DLG1: variants seen among roughly 807,000 people sequenced by gnomAD.
The protein encoded by DLG1 is disks large homolog 1.
A neutral mutation model predicts 123.4 loss-of-function variants in DLG1; 42 were observed. That is an observed-to-expected ratio of 0.34 (90% CI 0.27 to 0.44). The LOEUF is 0.44. Ranked by LOEUF, DLG1 falls within the 20% of genes least tolerant of loss-of-function variation. The pLI, the probability that DLG1 is intolerant of heterozygous loss-of-function variation, is 1.00. For missense variants in DLG1, 942 were observed against 1,082.6 expected, an observed-to-expected ratio of 0.87 and a Z score of 1.82; for synonymous variants, 317 against 356.2, an observed-to-expected ratio of 0.89 and a Z score of 1.24.
At chr3:197,294,173 A>G (rs114358295) in intron 3 of DLG1, among the ~76,000 whole-genome samples, 485 of 152,282 alleles carry the variant, frequency 3.2e-3, no homozygotes, top group Non-Finnish European at 5.5e-3. Context: ...ATGGAAACAC[A>G]CAGAACCTCT....
intron 4 of DLG1, among the ~76,000 whole-genome samples, chr3:197,221,402 C>T (rs1285492727): frequency 6.6e-6 from 1 of 152,018 alleles, no homozygotes. Flanking sequence ...CGCCTGTAAT[C>T]CCAGCTACTC....
intron 4 of DLG1, among the ~76,000 whole-genome samples, chr3:197,232,425 AAGAAAACTATTATTTT>A (rs1166289776): frequency 6.6e-6 from 1 of 152,052 alleles, no homozygotes; most frequent in Non-Finnish European, 1.5e-5. Flanking sequence ...TGGTAACAAA[AAGAAAACTATTATTTT>A]AGAAAAAGCT....
intron 4 of DLG1, among the ~76,000 whole-genome samples, chr3:197,273,253 TTTA>T (rs199501942): frequency 9.0e-4 from 136 of 150,408 alleles, no homozygotes; most frequent in African/African-American, 3.3e-3. Context: ...TATTTTTATT[TTTA>T]TTTTTTTTTG....
chr3:197,158,461 TAAAAAAAAAAA>T (rs10573278), intron 5 of DLG1, among the ~76,000 whole-genome samples: 1 of 118,718 alleles, frequency 8.4e-6, no homozygotes, highest in Non-Finnish European at 1.7e-5. Flanking sequence ...CGTCTCTACT[TAAAAAAAAAAA>T]AAAAAAAAAA....
chr3:197,265,278 G>A (rs987912036), intron 4 of DLG1, among the ~76,000 whole-genome samples: 6 of 152,122 alleles, frequency 3.9e-5, no homozygotes, highest in African/African-American at 1.4e-4. Context: ...CAGTATTTTA[G>A]AATACCAATG....
intron 4 of DLG1, among the ~76,000 whole-genome samples, chr3:197,271,006 G>C (rs750465634): frequency 5.9e-5 from 9 of 152,242 alleles, no homozygotes; most frequent in South Asian, 4.1e-4. Flanking sequence ...TCATTTAAAG[G>C]GGGGGAAAAG....
intron 4 of DLG1, among the ~76,000 whole-genome samples, chr3:197,205,521 T>C (rs1728071388): frequency 6.6e-6 from 1 of 151,938 alleles, no homozygotes; most frequent in South Asian, 2.1e-4. Context: ...CATTAACAAG[T>C]CAGAAGGAAA....
intron 5 of DLG1, among the ~76,000 whole-genome samples, chr3:197,178,400 T>A (rs1471818107): frequency 6.6e-6 from 1 of 152,214 alleles, no homozygotes; most frequent in Non-Finnish European, 1.5e-5. Flanking sequence ...GTGAATGGCA[T>A]ACTGAATAAA....
chr3:197,184,411 T>C (rs1455140145), intron 5 of DLG1, among the ~76,000 whole-genome samples: 4 of 152,254 alleles, frequency 2.6e-5, no homozygotes, highest in Non-Finnish European at 4.4e-5. Flanking sequence ...ATCTTTGTCA[T>C]TCATATCCAA....
At chr3:197,227,526 TAA>T (rs1416611426) in intron 4 of DLG1, among the ~76,000 whole-genome samples, 1 of 152,070 alleles carries the variant, frequency 6.6e-6, no homozygotes, top group Non-Finnish European at 1.5e-5. Flanking sequence ...TTTACAAAAC[TAA>T]AATTATCAAT....
chr3:197,252,374 T>C (rs572581190), intron 4 of DLG1, among the ~76,000 whole-genome samples: 2 of 152,274 alleles, frequency 1.3e-5, no homozygotes, highest in African/African-American at 4.8e-5. Flanking sequence ...AAATGTGGTA[T>C]AGACATATAA....
intron 9 of DLG1, among the ~76,000 whole-genome samples, chr3:197,137,799 C>T (rs1451940655): frequency 1.3e-5 from 2 of 151,462 alleles, no homozygotes; most frequent in Admixed American, 1.3e-4. Flanking sequence ...GGGAGGCCTC[C>T]GTCTCTACAA....
intron 14 of DLG1, among the ~76,000 whole-genome samples, chr3:197,093,823 C>T (rs1759132297): frequency 6.6e-6 from 1 of 152,156 alleles, no homozygotes. Context: ...CTGCATCCCA[C>T]ATGCTCTTGT....
chr3:197,231,546 C>T (rs1370505904), intron 4 of DLG1, among the ~76,000 whole-genome samples: 4 of 151,742 alleles, frequency 2.6e-5, no homozygotes, highest in Non-Finnish European at 4.4e-5. Flanking sequence ...ACAAAAAATA[C>T]AAAAATTAGC....
chr3:197,268,095 C>A (rs1295518769), intron 4 of DLG1, among the ~76,000 whole-genome samples: 4 of 152,002 alleles, frequency 2.6e-5, no homozygotes, highest in Non-Finnish European at 5.9e-5. Context: ...CTTTGGAAAT[C>A]CAAAAAACAG....
chr3:197,178,112 T>C (rs954881979), intron 5 of DLG1, among the ~76,000 whole-genome samples: 5 of 151,874 alleles, frequency 3.3e-5, no homozygotes, highest in Non-Finnish European at 5.9e-5. Flanking sequence ...CAGTAAAAAA[T>C]GTATAATAAA....
At chr3:197,153,200 T>A (rs80036177) in intron 5 of DLG1, among the ~76,000 whole-genome samples, 4 of 152,138 alleles carry the variant, frequency 2.6e-5, no homozygotes, top group African/African-American at 9.7e-5. Context: ...ATGACTGAGG[T>A]GATCACTGCA....
intron 4 of DLG1, among the ~76,000 whole-genome samples, chr3:197,268,497 G>A (rs1192030804): frequency 6.6e-6 from 1 of 151,906 alleles, no homozygotes. Context: ...ACAGCTCACT[G>A]CAGCCTTGAC....
chr3:197,132,115 T>A (rs1054859177), intron 10 of DLG1, among the ~76,000 whole-genome samples: 2 of 152,146 alleles, frequency 1.3e-5, no homozygotes, highest in Non-Finnish European at 1.5e-5. Flanking sequence ...TCTCTCTTTT[T>A]TCTTGGCTGG....
Sources: allele counts gnomAD v4.1 joint callset (sites outside exome capture counted in the v4.1 genomes callset), GRCh38; gene constraint gnomAD v4.1.1; transcripts MANE v1.5; gene names NCBI Gene and HGNC (gene_info 2026-07-23, HGNC 2026-07-21).